SORBS2: variants seen among roughly 807,000 people sequenced by gnomAD.
The protein encoded by SORBS2 is sorbin and SH3 domain-containing protein 2.
SORBS2 carries 46 observed loss-of-function variants against 97.7 expected under a neutral mutation model. That is an observed-to-expected ratio of 0.47 (90% CI 0.37 to 0.60). SORBS2 has a LOEUF of 0.60. SORBS2 is among the 20% of genes least tolerant of loss of function. SORBS2 has a pLI of 0.00. For synonymous variants in SORBS2, 476 were observed against 473.4 expected (o/e 1.01, Z -0.07); for missense variants, 1,316 against 1,282.3 (o/e 1.03, Z -0.40).
At chr4:185,619,801 A>G (rs984283419) in intron 8 of SORBS2, among the ~76,000 whole-genome samples, 3 of 152,174 alleles carry the variant, frequency 2.0e-5, no homozygotes, top group African/African-American at 4.8e-5. Flanking sequence ...GGTTAAGTTC[A>G]TGGGCATCAG....
chr4:185,942,440 T>C (rs1429015046), intron 1 of SORBS2, among the ~76,000 whole-genome samples: 1 of 151,830 alleles, frequency 6.6e-6, no homozygotes, highest in Non-Finnish European at 1.5e-5. Flanking sequence ...AACCTCTGCC[T>C]CCCGGGTTCG....
At chr4:185,861,643 G>C (rs1303507355) in intron 1 of SORBS2, among the ~76,000 whole-genome samples, 2 of 112,832 alleles carry the variant, frequency 1.8e-5, no homozygotes, top group African/African-American at 7.4e-5. Flanking sequence ...ATCTCACTCT[G>C]TTGCCAGGCT....
chr4:185,628,330 G>GA (rs35791068), intron 5 of SORBS2, among the ~76,000 whole-genome samples: 384 of 144,028 alleles, frequency 2.7e-3, no homozygotes, highest in Middle Eastern at 7.2e-3. Flanking sequence ...GGAAATAACT[G>GA]AAAAAAAAAA....
intron 1 of SORBS2, among the ~76,000 whole-genome samples, chr4:185,777,301 T>A (rs1287351873): frequency 2.6e-5 from 4 of 152,238 alleles, no homozygotes; most frequent in Admixed American, 2.0e-4. Flanking sequence ...TTTTACTATG[T>A]CTTAAATACC....
intron 2 of SORBS2, among the ~76,000 whole-genome samples, chr4:185,691,847 C>A (rs183032958): frequency 2.0e-5 from 3 of 152,228 alleles, no homozygotes; most frequent in Non-Finnish European, 4.4e-5. Context: ...CGGGCTCACG[C>A]CATTCTTCTG....
At chr4:185,775,912 T>C (rs2098997764) in intron 1 of SORBS2, 1 of 152,222 alleles carries the variant, frequency 6.6e-6, no homozygotes, top group Non-Finnish European at 1.5e-5. Context: ...TTTTGAAAGC[T>C]ACTGGGTTAA....
chr4:185,612,091 C>A, intron 11 of SORBS2, 111 bp from the exon 24 acceptor site: 2 of 786,920 alleles, frequency 2.5e-6, no homozygotes, highest in East Asian at 2.7e-5. Flanking sequence ...AGGTTTTATA[C>A]CTTCAGTTTT....
At position 185,589,726 on chromosome 4, in the gene SORBS2, C is replaced by T. The variant is rs768856925; in HGVS notation, c.2906G>A (p.Ser969Asn). The change falls in exon 14 of 15, where the codon AGT (serine) becomes AAT (asparagine). Residue 969 changes from serine to asparagine, a missense_variant. Physicochemically the swap from Ser to Asn is conservative, Grantham distance 46 (BLOSUM62 1). Transcript: ENST00000418609. Reference sequence around the variant, plus strand: ...CTTTTCCATGACATCAATGACATCACTTTCTCTGAGCTCCAGCTCATCTTC... The same window carrying T: ...CTTTTCCATGACATCAATGACATCATTTTCTCTGAGCTCCAGCTCATCTTC... 8.7e-6 allele frequency: 14 copies of T among 1,613,380 alleles called. No individual in the cohort carries two copies. Among genetic ancestry groups the T allele is most frequent in the African/African-American group, 1.3e-5 (1 of 74,918 alleles).
chr4:185,854,175 G>A (rs2099219450), intron 1 of SORBS2, among the ~76,000 whole-genome samples: 1 of 152,206 alleles, frequency 6.6e-6, no homozygotes, highest in South Asian at 2.1e-4. Flanking sequence ...TGAGTGATGG[G>A]TCAGCAAGGG....
intron 1 of SORBS2, among the ~76,000 whole-genome samples, chr4:185,868,655 T>C (rs1053935576): frequency 2.6e-5 from 4 of 152,174 alleles, no homozygotes; most frequent in African/African-American, 7.2e-5. Context: ...GTTGTAATTT[T>C]TTTCATGTTG....
chr4:185,603,811 A>G (rs1329468077), intron 12 of SORBS2, among the ~76,000 whole-genome samples: 2 of 152,198 alleles, frequency 1.3e-5, no homozygotes, highest in Non-Finnish European at 2.9e-5. Context: ...TAGGTTAAAT[A>G]CCAGCGGAAC....
At chr4:185,708,966 A>G (rs1389291850) in intron 2 of SORBS2, among the ~76,000 whole-genome samples, 1 of 152,246 alleles carries the variant, frequency 6.6e-6, no homozygotes, top group Admixed American at 6.5e-5. Flanking sequence ...GTATGACTGT[A>G]TGTGTCCCTC....
At chr4:185,739,048 C>A (rs1244141239) in intron 2 of SORBS2, among the ~76,000 whole-genome samples, 1 of 152,242 alleles carries the variant, frequency 6.6e-6, no homozygotes, top group Non-Finnish European at 1.5e-5. Flanking sequence ...TGCAAATGAG[C>A]TGTCAAGGTT....
At chr4:185,924,899 A>G in intron 1 of SORBS2, among the ~76,000 whole-genome samples, 1 of 152,142 alleles carries the variant, frequency 6.6e-6, no homozygotes, top group South Asian at 2.1e-4. Flanking sequence ...TGTCCGTGTC[A>G]TTAATCCTAT....
At chr4:185,861,321 G>A (rs180865866) in intron 1 of SORBS2, among the ~76,000 whole-genome samples, 1 of 125,506 alleles carries the variant, frequency 8.0e-6, no homozygotes, top group Non-Finnish European at 1.6e-5. Context: ...AAAATGGGGG[G>A]TGGGGTCCAT....
intron 1 of SORBS2, among the ~76,000 whole-genome samples, chr4:185,948,021 G>C (rs944017895): frequency 1.6e-4 from 25 of 152,246 alleles, no homozygotes; most frequent in Middle Eastern, 6.8e-3. Context: ...TTCTTAAAGA[G>C]GCCGGTTCTT....
At chr4:185,661,008 C>T (rs938039092), upstream of SORBS2, among the ~76,000 whole-genome samples, 4 of 152,130 alleles carry the variant, frequency 2.6e-5, no homozygotes, top group Non-Finnish European at 4.4e-5. Flanking sequence ...GGCACGGTGG[C>T]TCATGCCTGT....
At chr4:185,609,280 ATAGT>A (rs1205962613) in intron 12 of SORBS2, among the ~76,000 whole-genome samples, 4 of 152,238 alleles carry the variant, frequency 2.6e-5, no homozygotes, top group Non-Finnish European at 5.9e-5. Context: ...AGAAGTTTTC[ATAGT>A]TAGATTTGGA....
intron 1 of SORBS2, among the ~76,000 whole-genome samples, chr4:185,928,555 C>CT (rs995428670): frequency 2.6e-5 from 4 of 151,822 alleles, no homozygotes; most frequent in South Asian, 2.1e-4. Context: ...GCTTCTTCTT[C>CT]TTTTTTTTGA....
Sources: gnomAD v4.1 joint callset for allele counts (sites outside exome capture counted in the v4.1 genomes callset) on GRCh38, gnomAD v4.1.1 for gene constraint, MANE v1.5 for transcripts, NCBI Gene and HGNC (gene_info 2026-07-23, HGNC 2026-07-21) for gene names.